The following CDH13 variants were observed in gnomAD, a reference collection of about 807,000 sequenced individuals.
CDH13 encodes cadherin 13.
Under a neutral mutation model 63.8 loss-of-function variants are expected in CDH13, and 24 were observed. The observed-to-expected ratio is 0.38, with a 90% CI of 0.27 to 0.53. The LOEUF (loss-of-function observed/expected upper bound fraction) is 0.53, where lower values mean the gene tolerates loss of function less well. Ranked by LOEUF, CDH13 falls within the 20% of genes least tolerant of loss-of-function variation. The probability of loss-of-function intolerance (pLI) is 0.85; values close to 1 mark genes in which losing one functional copy is unlikely to be tolerated. For synonymous variants in CDH13, 503 were observed against 355.3 expected (o/e 1.42, Z -4.67); for missense variants, 1,049 against 903.1 (o/e 1.16, Z -2.07).
chr16:82,857,438 C>T (rs1251885486), intron 1 of CDH13, among the ~76,000 whole-genome samples: 3 of 152,116 alleles, frequency 2.0e-5, no homozygotes, highest in African/African-American at 7.2e-5. Flanking sequence ...GGAGGTAATA[C>T]CTGTTTTTAT....
chr16:83,685,272 AAAGG>A (rs1243908632), intron 10 of CDH13, among the ~76,000 whole-genome samples: 1 of 152,228 alleles, frequency 6.6e-6, no homozygotes, highest in Non-Finnish European at 1.5e-5. Context: ...ACTAAGGAAG[AAAGG>A]AAGAATGGAT....
At chr16:82,933,484 A>T (rs1567673653) in intron 2 of CDH13, among the ~76,000 whole-genome samples, 3 of 152,200 alleles carry the variant, frequency 2.0e-5, no homozygotes, top group Non-Finnish European at 4.4e-5. Flanking sequence ...GTGGGGACAC[A>T]GAACCAGACC....
intron 5 of CDH13, among the ~76,000 whole-genome samples, chr16:83,324,889 A>G (rs551965137): frequency 2.0e-5 from 3 of 152,268 alleles, no homozygotes; most frequent in South Asian, 2.1e-4. Flanking sequence ...AATGCTTAAC[A>G]TTGTTTACAG....
At chr16:83,259,913 C>T (rs867397331) in intron 5 of CDH13, among the ~76,000 whole-genome samples, 23 of 152,118 alleles carry the variant, frequency 1.5e-4, no homozygotes, top group African/African-American at 4.6e-4. Flanking sequence ...TCAGATTGCT[C>T]ATCGTGCAAC....
At chr16:82,688,285 G>C (rs1407907078) in intron 1 of CDH13, among the ~76,000 whole-genome samples, 1 of 152,124 alleles carries the variant, frequency 6.6e-6, no homozygotes, top group African/African-American at 2.4e-5. Context: ...CATGGTTTCT[G>C]ATCTACAAAT....
intron 8 of CDH13, among the ~76,000 whole-genome samples, chr16:83,652,813 G>C (rs1912512372): frequency 6.6e-6 from 1 of 152,210 alleles, no homozygotes; most frequent in Admixed American, 6.5e-5. Flanking sequence ...AAACCGAAGA[G>C]AATGAAGGCA....
At chr16:83,788,303 A>G (rs1052012334) in intron 13 of CDH13, among the ~76,000 whole-genome samples, 1 of 152,186 alleles carries the variant, frequency 6.6e-6, no homozygotes. Context: ...TGCTTGTTAA[A>G]ATACAGATTT....
At chr16:83,043,496 T>A (rs1001995151) in intron 3 of CDH13, among the ~76,000 whole-genome samples, 5 of 84,416 alleles carry the variant, frequency 5.9e-5, no homozygotes, top group African/African-American at 2.3e-4. Flanking sequence ...TATGAGTGTG[T>A]GTGTGTGTGT....
chr16:83,691,235 C>T (rs1272827282), intron 10 of CDH13, among the ~76,000 whole-genome samples: 1 of 152,096 alleles, frequency 6.6e-6, no homozygotes, highest in South Asian at 2.1e-4. Context: ...GGCAAAGTAA[C>T]TTGTGGGAGG....
intron 2 of CDH13, among the ~76,000 whole-genome samples, chr16:82,969,612 G>A (rs1276396235): frequency 1.3e-5 from 2 of 151,720 alleles, no homozygotes; most frequent in Admixed American, 6.6e-5. Flanking sequence ...TTGTGAGGGA[G>A]TACATTATAG....
Position 83,518,394 on chromosome 16 carries a change from C to G in CDH13, c.960+31739C>G, listed in dbSNP as rs1191967037. Among the ~76,000 whole-genome samples, 11 of 151,692 alleles carry G rather than the reference C, an allele frequency of 7.3e-5. No individual in the cohort carries two copies. In the East Asian group the frequency reaches 1.2e-3, roughly 16 times the overall value. On this transcript the variant is annotated intron_variant, in intron 7 of 13. Coordinates refer to ENST00000567109, the MANE Select transcript of CDH13 (RefSeq NM_001257.5). The stretch of plus-strand genomic sequence containing the variant: ...TCTCCTGACCTTGTGATCCACCCGC[C>G]TCGGCCTCCCAAAGTGCTGAGATTA...
intron 1 of CDH13, among the ~76,000 whole-genome samples, chr16:82,648,897 C>G (rs1024777941): frequency 6.6e-6 from 1 of 152,072 alleles, no homozygotes; most frequent in Admixed American, 6.6e-5. Context: ...TCAGGAAACA[C>G]CCAAGGTGAG....
At chr16:83,648,546 G>T (rs988617828) in intron 8 of CDH13, among the ~76,000 whole-genome samples, 1 of 152,138 alleles carries the variant, frequency 6.6e-6, no homozygotes, top group African/African-American at 2.4e-5. Flanking sequence ...GCTGCCCAGA[G>T]TGGTCAGTGA....
chr16:83,623,538 C>A (rs1471229313), intron 8 of CDH13, among the ~76,000 whole-genome samples: 3 of 152,170 alleles, frequency 2.0e-5, no homozygotes, highest in African/African-American at 7.2e-5. Flanking sequence ...ATGTCCGTTG[C>A]ATTAAATCAA....
intron 8 of CDH13, among the ~76,000 whole-genome samples, chr16:83,656,829 G>C (rs1443919513): frequency 6.6e-6 from 1 of 152,166 alleles, no homozygotes; most frequent in Admixed American, 6.5e-5. Context: ...AGACAGCATG[G>C]TGTAAGGAAT....
intron 1 of CDH13, among the ~76,000 whole-genome samples, chr16:82,670,413 G>GA (rs772234950): frequency 9.9e-5 from 15 of 152,072 alleles, no homozygotes; most frequent in Non-Finnish European, 2.1e-4. Context: ...TGTGAAATGA[G>GA]AAAAAAATAT....
chr16:83,234,546 AAAC>A (rs1180713592), intron 5 of CDH13, among the ~76,000 whole-genome samples: 2 of 152,174 alleles, frequency 1.3e-5, no homozygotes, highest in South Asian at 2.1e-4. Context: ...AACTGATGCT[AAAC>A]AACAACAGCT....
At chr16:82,710,574 T>TATATATATATAA (rs1567650022) in intron 1 of CDH13, among the ~76,000 whole-genome samples, 1 of 122,056 alleles carries the variant, frequency 8.2e-6, no homozygotes, top group African/African-American at 2.9e-5. Context: ...TATATATATA[T>TATATATATATAA]ATAAATATAT....
chr16:83,699,576 C>A (rs990595437), intron 10 of CDH13, among the ~76,000 whole-genome samples: 3 of 152,168 alleles, frequency 2.0e-5, no homozygotes, highest in African/African-American at 7.2e-5. Context: ...CTGTGCCAGC[C>A]TGTGGCATCC....
Sources: allele counts gnomAD v4.1 joint callset (sites outside exome capture counted in the v4.1 genomes callset), GRCh38; gene constraint gnomAD v4.1.1; transcripts MANE v1.5; gene names NCBI Gene and HGNC (gene_info 2026-07-23, HGNC 2026-07-21).